The following SP140L variants were observed in gnomAD, a reference collection of about 807,000 sequenced individuals.
SP140L encodes nuclear body protein SP140-like protein.
SP140L carries 64 observed loss-of-function variants against 84.3 expected under a neutral mutation model. The observed-to-expected ratio is 0.76, with a 90% CI of 0.62 to 0.94. SP140L has a LOEUF of 0.94. SP140L is among the 40% of genes least tolerant of loss of function. The pLI, the probability that SP140L is intolerant of heterozygous loss-of-function variation, is 0.00. For missense variants in SP140L, 628 were observed against 692.5 expected (o/e 0.91, Z 1.05); for synonymous variants, 242 against 236.9 (o/e 1.02, Z -0.20).
chr2:230,331,703 C>T (rs991861981), intron 2 of SP140L, among the ~76,000 whole-genome samples: 1 of 152,128 alleles, frequency 6.6e-6, no homozygotes, highest in Non-Finnish European at 1.5e-5. Context: ...TAGTGCTAGG[C>T]ATTTTAAAAT....
intron 3 of SP140L, 41 bp downstream of exon 3, chr2:230,358,008 A>G (rs1293500623): frequency 6.2e-7 from 1 of 1,603,724 alleles, no homozygotes; most frequent in African/African-American, 1.3e-5. Context: ...ATATGCTTTC[A>G]TATTTTACAA....
At chr2:230,391,735 C>G (rs576910307) in intron 11 of SP140L, 17 of 220,586 alleles carry the variant, frequency 7.7e-5, no homozygotes, top group Non-Finnish European at 1.3e-4. Flanking sequence ...AGACTCAGGC[C>G]TGGTCTCTAC....
At chr2:230,379,576 A>T (rs1968342) in intron 7 of SP140L, among the ~76,000 whole-genome samples, 34,998 of 151,944 alleles carry the variant, frequency 0.23, 4,267 homozygotes, top group Non-Finnish European at 0.28. Flanking sequence ...TTATGTACTC[A>T]CCATTGTTCT....
intron 7 of SP140L, among the ~76,000 whole-genome samples, chr2:230,377,088 C>T (rs2396749): frequency 0.48 from 72,941 of 152,054 alleles, 18,152 homozygotes; most frequent in South Asian, 0.66. Flanking sequence ...ATAAATACCT[C>T]CACTATCATG....
At chr2:230,398,516 C>A (rs1289687152) in intron 14 of SP140L, among the ~76,000 whole-genome samples, 1 of 152,204 alleles carries the variant, frequency 6.6e-6, no homozygotes, top group African/African-American at 2.4e-5. Context: ...AACATTCCAG[C>A]AAAACAAGGA....
At chr2:230,343,464 T>G (rs2060121080) in intron 2 of SP140L, among the ~76,000 whole-genome samples, 1 of 148,050 alleles carries the variant, frequency 6.8e-6, no homozygotes, top group Non-Finnish European at 1.5e-5. Context: ...GTACCACATT[T>G]TCTTTATCCA....
At chr2:230,388,304 G>A (rs998827740) in intron 9 of SP140L, among the ~76,000 whole-genome samples, 2 of 152,082 alleles carry the variant, frequency 1.3e-5, no homozygotes, top group Non-Finnish European at 2.9e-5. Flanking sequence ...TATTTATACT[G>A]TTGTTTGAGT....
At position 230,371,019 on chromosome 2, in the gene SP140L, C is replaced by A. The variant is rs1239790686; in HGVS notation, c.583+52C>A. ...GGGGTGGCTCAGTGGGCCCCACAGA[C>A]CCTGGGAAGAGTGGAGGCAGGTGCT... On this transcript the variant is annotated intron_variant, in intron 6 of 18. Transcript: ENST00000415673. The A allele has an allele frequency of 3.3e-6, 5 of 1,531,404 alleles. No individual in the cohort carries two copies. The East Asian group carries it at 6.8e-5, about 21-fold the overall frequency. The allele number at this position is 1,531,404 out of a possible 1,614,324, so 94.9% of individuals were successfully genotyped here.
chr2:230,335,689 T>C (rs977301299), intron 2 of SP140L, among the ~76,000 whole-genome samples: 28 of 152,178 alleles, frequency 1.8e-4, no homozygotes, highest in Admixed American at 1.0e-3. Context: ...TGGTAACTAA[T>C]GTCAGATGGG....
intron 5 of SP140L, among the ~76,000 whole-genome samples, chr2:230,363,538 G>A: frequency 6.8e-6 from 1 of 147,118 alleles, no homozygotes; most frequent in East Asian, 2.0e-4. Context: ...TTTTTAGTAT[G>A]GAGTTGGTTG....
At chr2:230,396,598 A>G (rs971713875) in intron 13 of SP140L, among the ~76,000 whole-genome samples, 159 bp from the exon 14 acceptor site, 2 of 152,274 alleles carry the variant, frequency 1.3e-5, no homozygotes, top group Non-Finnish European at 2.9e-5. Flanking sequence ...AAATTAAAGC[A>G]CTGGAGCCAC....
At chr2:230,387,875 C>T (rs945149451) in intron 9 of SP140L, among the ~76,000 whole-genome samples, 1 of 152,118 alleles carries the variant, frequency 6.6e-6, no homozygotes, top group African/African-American at 2.4e-5. Context: ...TGATTAGTTT[C>T]TTAGATCCTA....
At chr2:230,372,438 A>G in intron 7 of SP140L, 1 of 152,284 alleles carries the variant, frequency 6.6e-6, no homozygotes, top group East Asian at 1.9e-4. Context: ...AGTTAAAGAA[A>G]GAGTCGGCCG....
chr2:230,377,716 C>T (rs1394991453), intron 7 of SP140L, among the ~76,000 whole-genome samples: 1 of 152,082 alleles, frequency 6.6e-6, no homozygotes, highest in Non-Finnish European at 1.5e-5. Flanking sequence ...GAGATTCTGC[C>T]AAAATGTTTT....
chr2:230,364,436 T>C (rs192271924), intron 5 of SP140L, among the ~76,000 whole-genome samples: 5 of 152,262 alleles, frequency 3.3e-5, no homozygotes, highest in Admixed American at 2.6e-4. Context: ...ATTGATGCCT[T>C]TTTCAGATAG....
At chr2:230,382,981 C>T (rs1335986696) in intron 7 of SP140L, among the ~76,000 whole-genome samples, 1 of 152,246 alleles carries the variant, frequency 6.6e-6, no homozygotes, top group Non-Finnish European at 1.5e-5. Flanking sequence ...GAGTCAGCTG[C>T]TCTGCAGCCT....
At chr2:230,342,518 G>C (rs971273291) in intron 2 of SP140L, among the ~76,000 whole-genome samples, 1 of 152,160 alleles carries the variant, frequency 6.6e-6, no homozygotes, top group Non-Finnish European at 1.5e-5. Flanking sequence ...GGCTCCCGGA[G>C]CCTGCGTTTT....
chr2:230,373,521 C>A (rs572047623), intron 7 of SP140L, among the ~76,000 whole-genome samples: 1 of 152,206 alleles, frequency 6.6e-6, no homozygotes, highest in African/African-American at 2.4e-5. Flanking sequence ...GATGAGAGCA[C>A]ATCTGTTTAC....
chr2:230,346,283 TAA>T (rs2060207412), intron 2 of SP140L, among the ~76,000 whole-genome samples: 1 of 151,876 alleles, frequency 6.6e-6, no homozygotes, highest in Admixed American at 6.6e-5. Context: ...TTTTTTGTGA[TAA>T]GTTATGCTTT....
Sources: gnomAD v4.1 joint callset for allele counts (sites outside exome capture counted in the v4.1 genomes callset) on GRCh38, gnomAD v4.1.1 for gene constraint, MANE v1.5 for transcripts, NCBI Gene and HGNC (gene_info 2026-07-23, HGNC 2026-07-21) for gene names.